The following MCTP1 variants were observed in gnomAD, a reference collection of about 807,000 sequenced individuals.
The protein encoded by MCTP1 is multiple C2 and transmembrane domain containing 1.
In MCTP1, 69 loss-of-function variants were observed where a neutral mutation model predicts 120.6. That is an observed-to-expected ratio of 0.57 (90% CI 0.47 to 0.70). The LOEUF (loss-of-function observed/expected upper bound fraction) is 0.70. Ranked by LOEUF, MCTP1 falls within the 30% of genes least tolerant of loss-of-function variation. The probability of loss-of-function intolerance (pLI) is 0.00; values close to 1 mark genes in which losing one functional copy is unlikely to be tolerated. For synonymous variants in MCTP1, 529 were observed against 493.1 expected (o/e 1.07, Z -0.96); for missense variants, 1,203 against 1,248.8 (o/e 0.96, Z 0.55).
intron 2 of MCTP1, among the ~76,000 whole-genome samples, chr5:94,996,253 G>A (rs754830170): frequency 1.3e-5 from 2 of 152,280 alleles, no homozygotes; most frequent in Non-Finnish European, 2.9e-5. Context: ...TACACTGAAA[G>A]TTATCCTCAT....
chr5:95,166,184 C>A (rs561550872), intron 1 of MCTP1: 4 of 152,282 alleles, frequency 2.6e-5, no homozygotes, highest in Admixed American at 2.6e-4. Context: ...CTGCTCGAGA[C>A]CTGGCTTTTT....
intron 1 of MCTP1, among the ~76,000 whole-genome samples, chr5:95,146,653 T>C (rs1434014049): frequency 6.6e-6 from 1 of 152,234 alleles, no homozygotes; most frequent in Non-Finnish European, 1.5e-5. Flanking sequence ...CAAGAGTTAC[T>C]TCAGAGCAAG....
intron 2 of MCTP1, among the ~76,000 whole-genome samples, chr5:94,987,516 G>A (rs1433727119): frequency 6.6e-6 from 1 of 152,128 alleles, no homozygotes; most frequent in Admixed American, 6.6e-5. Context: ...TCAACTCTGG[G>A]AAAGTCAATA....
At chr5:94,827,245 T>A (rs1295570574) in intron 17 of MCTP1, among the ~76,000 whole-genome samples, 6 of 152,202 alleles carry the variant, frequency 3.9e-5, no homozygotes, top group Non-Finnish European at 5.9e-5. Context: ...TTTGGCTGGA[T>A]ATGAAATTCT....
At chr5:95,156,733 G>A (rs1283633142) in intron 1 of MCTP1, among the ~76,000 whole-genome samples, 1 of 152,188 alleles carries the variant, frequency 6.6e-6, no homozygotes, top group African/African-American at 2.4e-5. Context: ...TTTATTGTAA[G>A]TGTTTTTGGT....
chr5:95,074,861 C>T (rs72779424), intron 1 of MCTP1, among the ~76,000 whole-genome samples: 12,371 of 152,204 alleles, frequency 0.081, 604 homozygotes, highest in African/African-American at 0.14. Flanking sequence ...AAATTGAATG[C>T]AGAATTTAAA....
At chr5:94,905,098 A>G (rs1026112123) in intron 10 of MCTP1, among the ~76,000 whole-genome samples, 1 of 152,202 alleles carries the variant, frequency 6.6e-6, no homozygotes, top group African/African-American at 2.4e-5. Context: ...GCACAGATCT[A>G]AAGAAGATGA....
chr5:94,828,119 T>A (rs1787644264), intron 17 of MCTP1, among the ~76,000 whole-genome samples: 1 of 152,178 alleles, frequency 6.6e-6, no homozygotes, highest in African/African-American at 2.4e-5. Flanking sequence ...GTCTTTGCTG[T>A]TGGTGACTTC....
chr5:94,747,950 C>T (rs188038948), intron 19 of MCTP1, among the ~76,000 whole-genome samples: 20 of 152,076 alleles, frequency 1.3e-4, no homozygotes, highest in Non-Finnish European at 1.5e-4. Flanking sequence ...AATTGCTCGG[C>T]GTAGTGGCGC....
At chr5:95,036,895 T>C (rs1841411508) in intron 1 of MCTP1, among the ~76,000 whole-genome samples, 1 of 150,714 alleles carries the variant, frequency 6.6e-6, no homozygotes, top group Non-Finnish European at 1.5e-5. Context: ...CCTACCCTTA[T>C]CCAGAATTTC....
chr5:95,147,158 C>T (rs1760468797), intron 1 of MCTP1, among the ~76,000 whole-genome samples: 1 of 152,100 alleles, frequency 6.6e-6, no homozygotes, highest in African/African-American at 2.4e-5. Flanking sequence ...GTGATCTTGG[C>T]TCAGTGCCAG....
chr5:94,864,904 C>T (rs1459906825), intron 17 of MCTP1, among the ~76,000 whole-genome samples: 1 of 151,858 alleles, frequency 6.6e-6, no homozygotes, highest in Non-Finnish European at 1.5e-5. Flanking sequence ...TCCACAAGAA[C>T]ACAAATGTCT....
chr5:95,074,493 G>T (rs1451950966), intron 1 of MCTP1, among the ~76,000 whole-genome samples: 2 of 152,180 alleles, frequency 1.3e-5, no homozygotes, highest in Non-Finnish European at 2.9e-5. Flanking sequence ...ATTTGGATAG[G>T]TGTATACATT....
At chr5:94,724,201 CTTG>C (rs1226072572) in intron 19 of MCTP1, among the ~76,000 whole-genome samples, 2 of 152,194 alleles carry the variant, frequency 1.3e-5, no homozygotes, top group East Asian at 3.9e-4. Flanking sequence ...TACAGATGGA[CTTG>C]TTGTCAGGAG....
intron 19 of MCTP1, among the ~76,000 whole-genome samples, chr5:94,720,399 A>G (rs1393737856): frequency 6.6e-6 from 1 of 152,188 alleles, no homozygotes. Context: ...TTTCTAAAAT[A>G]GTAAACATCT....
intron 12 of MCTP1, among the ~76,000 whole-genome samples, chr5:94,885,593 ACCCAC>A (rs1429260972): frequency 1.0e-5 from 1 of 95,828 alleles, no homozygotes. Context: ...TTTTCCCGCC[ACCCAC>A]CCCACCCCAC....
chr5:94,802,873 G>T (rs1052742521), intron 17 of MCTP1, among the ~76,000 whole-genome samples: 3 of 152,140 alleles, frequency 2.0e-5, no homozygotes, highest in Non-Finnish European at 4.4e-5. Flanking sequence ...ATGGAAAGAG[G>T]ACCTGCAGAT....
At chr5:95,006,291 A>ATG (rs1304614014) in intron 2 of MCTP1, among the ~76,000 whole-genome samples, 2 of 151,528 alleles carry the variant, frequency 1.3e-5, no homozygotes, top group African/African-American at 4.8e-5. Context: ...ATATATATGT[A>ATG]TGTGTATATA....
chr5:94,791,559 G>A (rs930856382), intron 18 of MCTP1, among the ~76,000 whole-genome samples: 7 of 151,730 alleles, frequency 4.6e-5, no homozygotes, highest in Admixed American at 1.3e-4. Context: ...ACTCGTGGTG[G>A]GCTGTTTTCC....
Sources: allele counts gnomAD v4.1 joint callset (sites outside exome capture counted in the v4.1 genomes callset), GRCh38; gene constraint gnomAD v4.1.1; transcripts MANE v1.5; gene names NCBI Gene and HGNC (gene_info 2026-07-23, HGNC 2026-07-21).